The following CNTN5 variants were observed in gnomAD, a reference collection of about 807,000 sequenced individuals.
CNTN5 encodes the protein contactin-5.
In CNTN5, 77 loss-of-function variants were observed where a neutral mutation model predicts 129.1. The observed-to-expected ratio is 0.60, with a 90% CI of 0.50 to 0.72. CNTN5 has a LOEUF of 0.72. CNTN5 is among the 30% of genes least tolerant of loss of function. The pLI is 0.00. For synonymous variants in CNTN5, 509 were observed against 465.6 expected (o/e 1.09, Z -1.20); for missense variants, 1,478 against 1,328.8 (o/e 1.11, Z -1.75).
intron 19 of CNTN5, among the ~76,000 whole-genome samples, chr11:100,298,720 T>C (rs1236518285): frequency 6.6e-6 from 1 of 151,394 alleles, no homozygotes. Context: ...ATAAAAGCAA[T>C]TGCAAAGCAC....
chr11:99,384,695 C>G (rs1179405175), intron 2 of CNTN5, among the ~76,000 whole-genome samples: 1 of 152,144 alleles, frequency 6.6e-6, no homozygotes, highest in Non-Finnish European at 1.5e-5. Context: ...TTAAAGAAAC[C>G]TGATTAAACT....
chr11:99,122,398 T>A (rs1858388206), intron 1 of CNTN5, among the ~76,000 whole-genome samples: 1 of 152,110 alleles, frequency 6.6e-6, no homozygotes, highest in East Asian at 1.9e-4. Context: ...AATATTAAAA[T>A]AGATGAAAAT....
chr11:99,315,132 T>G (rs1409182882), intron 1 of CNTN5, among the ~76,000 whole-genome samples: 1 of 149,130 alleles, frequency 6.7e-6, no homozygotes, highest in African/African-American at 2.4e-5. Context: ...TACCCTCTAG[T>G]AGTCATGGAA....
At chr11:99,339,771 G>T (rs576584921) in intron 2 of CNTN5, among the ~76,000 whole-genome samples, 2 of 120,558 alleles carry the variant, frequency 1.7e-5, no homozygotes, top group Admixed American at 9.6e-5. Context: ...TACAGAGTGA[G>T]ACTCCGACTC....
chr11:99,816,814 C>T (rs1305369531), intron 3 of CNTN5, among the ~76,000 whole-genome samples: 2 of 152,118 alleles, frequency 1.3e-5, no homozygotes, highest in Admixed American at 6.6e-5. Flanking sequence ...TCCCACCTCT[C>T]TCCCTCATAA....
At chr11:100,100,874 T>G (rs929139123) in intron 13 of CNTN5, among the ~76,000 whole-genome samples, 1 of 152,042 alleles carries the variant, frequency 6.6e-6, no homozygotes, top group African/African-American at 2.4e-5. Flanking sequence ...CAACTTAAAT[T>G]TAGACATTTT....
intron 13 of CNTN5, among the ~76,000 whole-genome samples, chr11:100,174,542 T>C (rs1947907668): frequency 6.6e-6 from 1 of 152,120 alleles, no homozygotes; most frequent in Non-Finnish European, 1.5e-5. Context: ...GAGAAGCCAA[T>C]TTGAGCAAAA....
Position 99,221,781 on chromosome 11 carries a change from G to A in CNTN5, c.-209-103565G>A, listed in dbSNP as rs142238344. Among the ~76,000 whole-genome samples the A allele has an allele frequency of 1.6e-4, 24 of 151,876 alleles. No individual in the cohort carries two copies. In the East Asian group the frequency reaches 2.9e-3, roughly 18 times the overall value. On this transcript the variant is annotated intron_variant, in intron 1 of 24. Coordinates refer to ENST00000524871, the MANE Select transcript of CNTN5 (RefSeq NM_014361.4). ...TTGAACTAACATATACAAACACTTC[G>A]TAAACAATTAAGGAATTCTGGGAAA...
At chr11:99,658,718 A>AAT (rs1555067254) in intron 3 of CNTN5, among the ~76,000 whole-genome samples, 5,980 of 123,886 alleles carry the variant, frequency 0.048, 173 homozygotes, top group Middle Eastern at 0.086. Flanking sequence ...CTAAAAAAAA[A>AAT]ATATATATAT....
intron 1 of CNTN5, among the ~76,000 whole-genome samples, chr11:99,162,490 A>G (rs1462368331): frequency 6.6e-6 from 1 of 152,176 alleles, no homozygotes; most frequent in East Asian, 1.9e-4. Context: ...GAAACCATCT[A>G]TCTCTGGATT....
chr11:100,093,148 A>G (rs1034065381), intron 13 of CNTN5, among the ~76,000 whole-genome samples: 15 of 152,150 alleles, frequency 9.9e-5, no homozygotes, highest in African/African-American at 3.6e-4. Context: ...AAAGACAACA[A>G]GAGTGGCTAT....
chr11:99,854,396 T>C (rs1038843057), intron 6 of CNTN5, among the ~76,000 whole-genome samples: 1 of 152,222 alleles, frequency 6.6e-6, no homozygotes, highest in African/African-American at 2.4e-5. Context: ...CTTAGGAATA[T>C]GTATCCAGAG....
chr11:99,200,200 C>T (rs1272500708), intron 1 of CNTN5, among the ~76,000 whole-genome samples: 1 of 152,112 alleles, frequency 6.6e-6, no homozygotes, highest in Non-Finnish European at 1.5e-5. Flanking sequence ...TTACCATTAG[C>T]TATCTGATTT....
chr11:99,522,385 T>A (rs952372765), intron 2 of CNTN5, among the ~76,000 whole-genome samples: 4 of 152,176 alleles, frequency 2.6e-5, no homozygotes, highest in Non-Finnish European at 4.4e-5. Context: ...AACTAAGTGG[T>A]TATTTTAATA....
intron 4 of CNTN5, among the ~76,000 whole-genome samples, chr11:99,830,572 T>G (rs1947107773): frequency 6.6e-6 from 1 of 152,086 alleles, no homozygotes; most frequent in Non-Finnish European, 1.5e-5. Flanking sequence ...TTTATGAAAA[T>G]AAGAATTCTC....
At chr11:100,297,886 T>G (rs1262378419) in intron 19 of CNTN5, among the ~76,000 whole-genome samples, 191 bp downstream of exon 19, 1 of 151,540 alleles carries the variant, frequency 6.6e-6, no homozygotes, top group Admixed American at 6.6e-5. Context: ...ACAACAATCT[T>G]ATCAGTTGGA....
intron 4 of CNTN5, among the ~76,000 whole-genome samples, chr11:99,842,664 T>G (rs1470959238): frequency 1.4e-5 from 2 of 145,796 alleles, no homozygotes; most frequent in South Asian, 4.2e-4. Flanking sequence ...TCAGAAAGGG[T>G]TTTTTTTCCC....
At chr11:99,702,138 A>G (rs776583512) in intron 3 of CNTN5, among the ~76,000 whole-genome samples, 1 of 151,066 alleles carries the variant, frequency 6.6e-6, no homozygotes, top group Non-Finnish European at 1.5e-5. Context: ...CAAGAAGAAG[A>G]TATTATGCAA....
chr11:99,109,991 A>G (rs1857712593), intron 1 of CNTN5, among the ~76,000 whole-genome samples: 2 of 152,178 alleles, frequency 1.3e-5, no homozygotes, highest in South Asian at 4.1e-4. Flanking sequence ...CAAAATAATC[A>G]GACCCCTGTC....
Sources: gnomAD v4.1 joint callset for allele counts (sites outside exome capture counted in the v4.1 genomes callset) on GRCh38, gnomAD v4.1.1 for gene constraint, MANE v1.5 for transcripts, NCBI Gene and HGNC (gene_info 2026-07-23, HGNC 2026-07-21) for gene names.